AGBL1: variants seen among roughly 807,000 people sequenced by gnomAD.
The protein encoded by AGBL1 is cytosolic carboxypeptidase 4.
AGBL1 carries 130 observed loss-of-function variants against 118.9 expected under a neutral mutation model. The ratio of observed to expected loss-of-function variants is 1.09; its 90% CI spans 0.95 to 1.26. AGBL1 has a LOEUF of 1.26. Ranked by LOEUF, AGBL1 falls within the 50% of genes most tolerant of loss-of-function variation. The pLI is 0.00. For synonymous variants in AGBL1, 555 were observed against 478.9 expected, an observed-to-expected ratio of 1.16 and a Z score of -2.08; for missense variants, 1,584 against 1,298.1, an observed-to-expected ratio of 1.22 and a Z score of -3.38.
At chr15:86,796,593 G>A (rs527851739) in intron 22 of AGBL1, among the ~76,000 whole-genome samples, 50 of 152,206 alleles carry the variant, frequency 3.3e-4, no homozygotes, top group Non-Finnish European at 5.9e-4. Flanking sequence ...ATACCAGTTA[G>A]AAGCTCATGC....
intron 23 of AGBL1, among the ~76,000 whole-genome samples, chr15:86,936,896 A>T (rs2080682957): frequency 6.6e-6 from 1 of 152,202 alleles, no homozygotes; most frequent in Admixed American, 6.5e-5. Flanking sequence ...ATATTTTCCA[A>T]CTATGCATCT....
Position 86,494,768 on chromosome 15 carries a change from G to A in AGBL1, c.2556-28042G>A, listed in dbSNP as rs776516258. Among the ~76,000 whole-genome samples, 44 of 151,922 alleles carry A rather than the reference G, an allele frequency of 2.9e-4. 1 individual carries two copies. Among genetic ancestry groups the A allele is most frequent in the Middle Eastern group, 3.2e-3 (1 of 316 alleles). On this transcript the variant is annotated intron_variant, in intron 18 of 22. Transcript: ENST00000614907. ...TAGAACATTGACCTTTAAAAAATAA[G>A]TCTAGATAGTGATTATTTTTATACA...
chr15:86,898,924 A>G (rs2080171141), intron 22 of AGBL1, among the ~76,000 whole-genome samples: 1 of 152,192 alleles, frequency 6.6e-6, no homozygotes, highest in Non-Finnish European at 1.5e-5. Flanking sequence ...AAAAGTGAAC[A>G]CATATACTGT....
At chr15:86,748,610 C>A (rs1402962838) in intron 22 of AGBL1, among the ~76,000 whole-genome samples, 1 of 130,132 alleles carries the variant, frequency 7.7e-6, no homozygotes, top group Non-Finnish European at 1.6e-5. Context: ...AATGGTAATG[C>A]CTAGGTTTTC....
intron 5 of AGBL1, among the ~76,000 whole-genome samples, chr15:86,184,183 T>C (rs1362042180): frequency 6.6e-6 from 1 of 152,246 alleles, no homozygotes; most frequent in African/African-American, 2.4e-5. Context: ...ACCCAAATAT[T>C]GACTTCTTAA....
At position 86,397,397 on chromosome 15, in the gene AGBL1, A is replaced by C. The variant is rs746961890; in HGVS notation, c.2406A>C (p.Arg802=). ...GTCCATATCAGGTGATCACTGCTCG[A>C]GTTCATCCAGGAGAGAGCAATGCCA... The part of the protein sequence containing the change: ...RHRPYQVITA[R]VHPGESNASW... Residue 802 remains arginine (R), a synonymous_variant, in exon 18 of 23, where the codon CGA becomes CGC. Transcript: ENST00000614907. 6.2e-7 allele frequency: 1 copy of C among 1,610,698 alleles called. No homozygotes were observed. Among genetic ancestry groups the C allele is most frequent in the Non-Finnish European group, 8.5e-7 (1 of 1,177,966 alleles).
intron 5 of AGBL1, among the ~76,000 whole-genome samples, chr15:86,159,577 G>A (rs79572674): frequency 0.062 from 9,459 of 151,906 alleles, 457 homozygotes; most frequent in East Asian, 0.23. Flanking sequence ...AACTCAGCCT[G>A]TTCTCCCTGC....
chr15:86,846,944 T>C (rs935950231), intron 22 of AGBL1, among the ~76,000 whole-genome samples: 1 of 152,200 alleles, frequency 6.6e-6, no homozygotes, highest in Admixed American at 6.5e-5. Flanking sequence ...TAAGTTTCCA[T>C]TTTTTATCTG....
intron 23 of AGBL1, among the ~76,000 whole-genome samples, chr15:86,931,595 GCTGCTGCTGCTGCTGCTGC>G (rs1350723818): frequency 1.3e-5 from 2 of 151,678 alleles, no homozygotes; most frequent in Non-Finnish European, 2.9e-5. Context: ...TGCTGCTGCT[GCTGCTGCTGCTGCTGCTGC>G]TGGTTGTTGT....
At chr15:86,537,967 T>A (rs1473649393) in intron 19 of AGBL1, among the ~76,000 whole-genome samples, 1 of 152,168 alleles carries the variant, frequency 6.6e-6, no homozygotes, top group Non-Finnish European at 1.5e-5. Flanking sequence ...GATTGTATGT[T>A]TTTGGGTTGA....
intron 19 of AGBL1, among the ~76,000 whole-genome samples, chr15:86,530,786 G>A (rs1225270404): frequency 7.4e-6 from 1 of 135,702 alleles, no homozygotes; most frequent in Non-Finnish European, 1.6e-5. Flanking sequence ...AATCAAACTA[G>A]AACTCAGGAT....
At chr15:86,338,819 G>A (rs549465963) in intron 17 of AGBL1, among the ~76,000 whole-genome samples, 3 of 151,354 alleles carry the variant, frequency 2.0e-5, no homozygotes, top group East Asian at 1.9e-4. Context: ...AAAAAGAGTC[G>A]TGAGAGTGGA....
intron 7 of AGBL1, among the ~76,000 whole-genome samples, chr15:86,251,236 T>A (rs936525142): frequency 2.0e-5 from 3 of 152,166 alleles, no homozygotes; most frequent in African/African-American, 7.2e-5. Context: ...GTGTTGGAGC[T>A]AGGATTGGAA....
intron 22 of AGBL1, among the ~76,000 whole-genome samples, chr15:86,845,656 A>T (rs183685062): frequency 6.6e-6 from 1 of 152,298 alleles, no homozygotes; most frequent in East Asian, 1.9e-4. Context: ...AAAGATTAGT[A>T]TTATTTCATC....
chr15:86,838,587 T>A (rs2079200076), intron 22 of AGBL1, among the ~76,000 whole-genome samples: 1 of 152,044 alleles, frequency 6.6e-6, no homozygotes, highest in African/African-American at 2.4e-5. Flanking sequence ...CTGGCTTACA[T>A]CAAATTGACA....
chr15:86,137,348 C>T (rs927259705), intron 1 of AGBL1, among the ~76,000 whole-genome samples: 1 of 152,168 alleles, frequency 6.6e-6, no homozygotes, highest in Non-Finnish European at 1.5e-5. Context: ...CAACTTCTTT[C>T]CTATTTTTCA....
intron 3 of AGBL1, among the ~76,000 whole-genome samples, chr15:86,144,489 A>G (rs142950309): frequency 2.6e-5 from 4 of 152,364 alleles, no homozygotes; most frequent in Middle Eastern, 3.4e-3. Flanking sequence ...GCCATAAAAA[A>G]GAATGAGATC....
At chr15:86,814,193 C>G (rs1316206614) in intron 22 of AGBL1, among the ~76,000 whole-genome samples, 1 of 152,180 alleles carries the variant, frequency 6.6e-6, no homozygotes, top group Non-Finnish European at 1.5e-5. Flanking sequence ...AGCGGCAGCA[C>G]TGGAGTCTTG....
chr15:86,147,942 C>T (rs756275824), intron 3 of AGBL1, among the ~76,000 whole-genome samples: 1 of 152,212 alleles, frequency 6.6e-6, no homozygotes, highest in African/African-American at 2.4e-5. Context: ...TGCTGTTCTG[C>T]AGTATTTGCT....
Sources: allele counts gnomAD v4.1 joint callset (sites outside exome capture counted in the v4.1 genomes callset), GRCh38; gene constraint gnomAD v4.1.1; transcripts MANE v1.5; gene names NCBI Gene and HGNC (gene_info 2026-07-23, HGNC 2026-07-21).